Variants in PTH2R observed in about 807,000 individuals in gnomAD.
The protein encoded by PTH2R is parathyroid hormone 2 receptor.
PTH2R carries 59 observed loss-of-function variants against 60.3 expected under a neutral mutation model. The observed-to-expected ratio is 0.98, with a 90% CI of 0.79 to 1.22. The LOEUF (loss-of-function observed/expected upper bound fraction) is 1.22, where lower values mean the gene tolerates loss of function less well. Ranked by LOEUF, PTH2R falls within the 50% of genes most tolerant of loss-of-function variation. The pLI is 0.00. For missense variants in PTH2R, 749 were observed against 682.6 expected, an observed-to-expected ratio of 1.10 and a Z score of -1.08; for synonymous variants, 256 against 243.8, an observed-to-expected ratio of 1.05 and a Z score of -0.47.
intron 10 of PTH2R, among the ~76,000 whole-genome samples, chr2:208,482,962 G>C (rs1474374791): frequency 6.6e-6 from 1 of 152,164 alleles, no homozygotes; most frequent in Non-Finnish European, 1.5e-5. Flanking sequence ...ATCACGTGCT[G>C]TTGGCTCATT....
At chr2:208,432,291 C>A (rs1701988860) in intron 2 of PTH2R, among the ~76,000 whole-genome samples, 1 of 152,178 alleles carries the variant, frequency 6.6e-6, no homozygotes, top group Non-Finnish European at 1.5e-5. Context: ...TAAGTTTCTG[C>A]CTTTTCCCTG....
At chr2:208,437,248 G>T (rs537081652) in intron 2 of PTH2R, among the ~76,000 whole-genome samples, 1 of 152,212 alleles carries the variant, frequency 6.6e-6, no homozygotes, top group East Asian at 1.9e-4. Flanking sequence ...GATTTCCAAT[G>T]TTTCTTATAA....
intron 10 of PTH2R, among the ~76,000 whole-genome samples, chr2:208,481,568 A>T (rs1703154037): frequency 6.6e-6 from 1 of 152,178 alleles, no homozygotes; most frequent in African/African-American, 2.4e-5. Flanking sequence ...TCTTTAAGAG[A>T]TTAAATTTAT....
intron 1 of PTH2R, among the ~76,000 whole-genome samples, chr2:208,400,844 G>C (rs1487341944): frequency 6.6e-6 from 1 of 152,136 alleles, no homozygotes; most frequent in African/African-American, 2.4e-5. Flanking sequence ...TGATGTCTCA[G>C]TAAGTATTTA....
intron 1 of PTH2R, among the ~76,000 whole-genome samples, chr2:208,419,345 G>C (rs1314933841): frequency 1.3e-5 from 2 of 152,116 alleles, no homozygotes; most frequent in African/African-American, 2.4e-5. Context: ...CTGTTCATGT[G>C]CTTCGCCCAC....
chr2:208,483,503 T>C (rs1337470674), intron 10 of PTH2R, among the ~76,000 whole-genome samples: 1 of 152,162 alleles, frequency 6.6e-6, no homozygotes, highest in Non-Finnish European at 1.5e-5. Context: ...CATGAGAAAT[T>C]TTGGAGGGAA....
At chr2:208,372,531 A>G (rs940948689) in intron 1 of PTH2R, among the ~76,000 whole-genome samples, 4 of 152,038 alleles carry the variant, frequency 2.6e-5, no homozygotes, top group African/African-American at 9.7e-5. Context: ...AAGTAGGTAC[A>G]TTTTTAGAAT....
At position 208,384,059 on chromosome 2, in the gene PTH2R, G is replaced by A. The variant is rs545210918; in HGVS notation, c.-259+23822G>A. On this transcript the variant is annotated intron_variant, in intron 1 of 12. Coordinates refer to the PTH2R transcript ENST00000617735. ...TTTCTGCCTAATATTTAACTTGGAA[G>A]AGAAGATGTCCATGTGAAAAACTGC... Among the ~76,000 whole-genome samples the A allele has an allele frequency of 2.8e-4, 43 of 152,354 alleles. 1 individual carries two copies. The South Asian group carries it at 8.5e-3, about 30-fold the overall frequency.
intron 1 of PTH2R, among the ~76,000 whole-genome samples, chr2:208,389,302 C>T (rs1479495910): frequency 6.6e-6 from 1 of 151,554 alleles, no homozygotes; most frequent in African/African-American, 2.4e-5. Flanking sequence ...ATTGTCTATA[C>T]TCCTTGGTGC....
At chr2:208,421,818 A>AG (rs1701762107) in intron 1 of PTH2R, among the ~76,000 whole-genome samples, 1 of 152,194 alleles carries the variant, frequency 6.6e-6, no homozygotes, top group Non-Finnish European at 1.5e-5. Context: ...TGGCCCATTC[A>AG]CACTGGAGTA....
At chr2:208,454,752 A>G (rs1340542601) in intron 8 of PTH2R, among the ~76,000 whole-genome samples, 1 of 152,246 alleles carries the variant, frequency 6.6e-6, no homozygotes, top group African/African-American at 2.4e-5. Flanking sequence ...ATAGAGAACA[A>G]TTTAATATCC....
intron 8 of PTH2R, among the ~76,000 whole-genome samples, chr2:208,456,231 G>A (rs4558530): frequency 0.056 from 8,490 of 151,566 alleles, 520 homozygotes; most frequent in African/African-American, 0.15. Flanking sequence ...AACAGAGGGA[G>A]ACTCTGTCTC....
chr2:208,412,572 A>T (rs901924449), intron 1 of PTH2R, among the ~76,000 whole-genome samples: 1 of 152,234 alleles, frequency 6.6e-6, no homozygotes, highest in African/African-American at 2.4e-5. Flanking sequence ...GCTGCCATAG[A>T]ATAGCCTTGA....
At chr2:208,377,004 G>T (rs967160075) in intron 1 of PTH2R, among the ~76,000 whole-genome samples, 1 of 151,944 alleles carries the variant, frequency 6.6e-6, no homozygotes, top group African/African-American at 2.4e-5. Flanking sequence ...GTTTTCCTAG[G>T]CAGAGGACCC....
intron 1 of PTH2R, among the ~76,000 whole-genome samples, chr2:208,396,808 A>G (rs143519904): frequency 0.022 from 3,330 of 152,316 alleles, 52 homozygotes; most frequent in Middle Eastern, 0.048. Context: ...ATTACAGGGT[A>G]TATACCCAAA....
intron 2 of PTH2R, among the ~76,000 whole-genome samples, chr2:208,435,212 A>T (rs1702050501): frequency 6.6e-6 from 1 of 152,240 alleles, no homozygotes; most frequent in Non-Finnish European, 1.5e-5. Flanking sequence ...ATTAGCCAGA[A>T]CAAAAATCCT....
intron 4 of PTH2R, among the ~76,000 whole-genome samples, chr2:208,439,654 G>A (rs1574873974): frequency 6.6e-6 from 1 of 151,692 alleles, no homozygotes; most frequent in East Asian, 1.9e-4. Flanking sequence ...GGCAAAATGA[G>A]GTAATTATTT....
At chr2:208,443,844 G>A (rs1180369140) in intron 6 of PTH2R, among the ~76,000 whole-genome samples, 2 of 152,110 alleles carry the variant, frequency 1.3e-5, no homozygotes, top group East Asian at 1.9e-4. Context: ...CACCACTTTC[G>A]AAAGTAAAAA....
At chr2:208,456,481 G>A (rs1702516997) in intron 8 of PTH2R, among the ~76,000 whole-genome samples, 2 of 152,270 alleles carry the variant, frequency 1.3e-5, no homozygotes, top group South Asian at 4.1e-4. Flanking sequence ...AGCAGCAAAG[G>A]TGGGGGCTGC....
Sources: allele counts gnomAD v4.1 joint callset (sites outside exome capture counted in the v4.1 genomes callset), GRCh38; gene constraint gnomAD v4.1.1; transcripts MANE v1.5; gene names NCBI Gene and HGNC (gene_info 2026-07-23, HGNC 2026-07-21).